RERG: variants seen among roughly 807,000 people sequenced by gnomAD.
The protein encoded by RERG is ras-related and estrogen-regulated growth inhibitor.
A neutral mutation model predicts 23.2 loss-of-function variants in RERG; 25 were observed. The ratio of observed to expected loss-of-function variants is 1.08; its 90% CI spans 0.79 to 1.50. The LOEUF is 1.50. Among genes scored for constraint, RERG ranks in the 40% most tolerant of loss-of-function variants. RERG has a pLI of 0.00. For synonymous variants in RERG, 81 were observed against 89.1 expected, an observed-to-expected ratio of 0.91 and a Z score of 0.51; for missense variants, 253 against 250.1, an observed-to-expected ratio of 1.01 and a Z score of -0.08.
intron 2 of RERG, among the ~76,000 whole-genome samples, chr12:15,211,148 T>A (rs577300909): frequency 1.3e-5 from 2 of 152,262 alleles, no homozygotes; most frequent in Non-Finnish European, 2.9e-5. Context: ...TTAATGTTTT[T>A]AGCAAATTTA....
At chr12:15,146,527 A>C (rs1864335696) in intron 2 of RERG, among the ~76,000 whole-genome samples, 1 of 152,218 alleles carries the variant, frequency 6.6e-6, no homozygotes, top group South Asian at 2.1e-4. Flanking sequence ...TTCACAGATG[A>C]GGAAACTGAG....
chr12:15,111,479 C>T, intron 3 of RERG, 62 bp from the exon 4 acceptor site: 1 of 1,341,448 alleles, frequency 7.5e-7, no homozygotes, highest in South Asian at 1.2e-5. Flanking sequence ...TAATTTGATC[C>T]TTAAAACTGA....
intron 2 of RERG, among the ~76,000 whole-genome samples, chr12:15,202,252 G>A (rs1248189927): frequency 6.6e-6 from 1 of 151,708 alleles, no homozygotes; most frequent in South Asian, 2.1e-4. Context: ...GTTTCCTTGT[G>A]TTCCTTTGCC....
chr12:15,171,068 GTC>G (rs1864771512), intron 2 of RERG, among the ~76,000 whole-genome samples: 4 of 152,138 alleles, frequency 2.6e-5, no homozygotes, highest in African/African-American at 9.7e-5. Context: ...AAATTTTCAG[GTC>G]TCTGTCTGGC....
chr12:15,127,791 A>T (rs1863974324), intron 2 of RERG, among the ~76,000 whole-genome samples: 1 of 152,226 alleles, frequency 6.6e-6, no homozygotes, highest in Non-Finnish European at 1.5e-5. Flanking sequence ...TTTTAGCTGT[A>T]TCTTAAATAA....
intron 4 of RERG, among the ~76,000 whole-genome samples, chr12:15,110,613 G>A (rs1863595674): frequency 6.6e-6 from 1 of 151,464 alleles, no homozygotes; most frequent in African/African-American, 2.4e-5. Flanking sequence ...CCAGCAGCTG[G>A]GACTACAGGC....
chr12:15,133,146 G>GATATGTATATATATATATATATATATAT (rs1864081795), intron 2 of RERG, among the ~76,000 whole-genome samples: 1 of 125,214 alleles, frequency 8.0e-6, no homozygotes, highest in African/African-American at 3.2e-5. Flanking sequence ...ATCCTGTGGA[G>GATATGTATATATATATATATATATATAT]ATATATATAT....
chr12:15,220,728 G>A (rs1374507414), intron 1 of RERG, among the ~76,000 whole-genome samples: 1 of 152,096 alleles, frequency 6.6e-6, no homozygotes, highest in African/African-American at 2.4e-5. Context: ...CCCTAGTCTA[G>A]GCCTGGAAAT....
In RERG at chr12:15,169,920, A is replaced by ATGTGTGTGTG. The variant is rs61079713; in HGVS notation, c.61+47499_61+47508dup. On this transcript the variant is annotated intron_variant, in intron 2 of 4. Transcript: ENST00000256953. ...GAAGGACACACGTCATCTGCTAAAA[A>ATGTGTGTGTG]TGTGTGTGTGTGTGTGTGTGTGTGT... Among the ~76,000 whole-genome samples, 429 of 137,688 alleles carry ATGTGTGTGTG rather than the reference A, an allele frequency of 3.1e-3. 1 individual carries two copies. Among genetic ancestry groups the ATGTGTGTGTG allele is most frequent in the Admixed American group, 4.5e-3 (61 of 13,550 alleles). The allele number at this position is 137,688 out of a possible 152,430, so 90.3% of individuals were successfully genotyped here.
intron 1 of RERG, chr12:15,217,808 T>C (rs1865463070): frequency 7.7e-6 from 2 of 260,906 alleles, no homozygotes; most frequent in South Asian, 5.7e-5. Flanking sequence ...TTGGATCTGG[T>C]TGGTACTAAA....
chr12:15,194,706 T>G (rs1167355964), intron 2 of RERG, among the ~76,000 whole-genome samples: 1 of 152,132 alleles, frequency 6.6e-6, no homozygotes, highest in Non-Finnish European at 1.5e-5. Context: ...TTTGCTTTAT[T>G]GGTTAACAAC....
chr12:15,134,676 G>A (rs921204255), intron 2 of RERG, among the ~76,000 whole-genome samples: 5 of 151,934 alleles, frequency 3.3e-5, no homozygotes, highest in Non-Finnish European at 5.9e-5. Flanking sequence ...GTGCAGTGGT[G>A]TGATCTTGAC....
At chr12:15,166,919 T>C (rs775907853) in intron 2 of RERG, among the ~76,000 whole-genome samples, 2 of 152,126 alleles carry the variant, frequency 1.3e-5, no homozygotes, top group African/African-American at 2.4e-5. Context: ...GTTACATATG[T>C]ATACATGTGC....
At chr12:15,141,313 G>A (rs1160388186) in intron 2 of RERG, among the ~76,000 whole-genome samples, 6 of 151,826 alleles carry the variant, frequency 4.0e-5, no homozygotes, top group South Asian at 2.1e-4. Context: ...CTGCCACCAC[G>A]CCCAGCTAAT....
intron 2 of RERG, among the ~76,000 whole-genome samples, chr12:15,201,444 A>G (rs1865213730): frequency 6.6e-6 from 1 of 151,692 alleles, no homozygotes; most frequent in Middle Eastern, 3.2e-3. Flanking sequence ...GTGAATACAT[A>G]AAGTAGTTCT....
chr12:15,186,376 G>T (rs1864990772), intron 2 of RERG, among the ~76,000 whole-genome samples: 1 of 151,904 alleles, frequency 6.6e-6, no homozygotes, highest in Non-Finnish European at 1.5e-5. Flanking sequence ...ATTAACCTTT[G>T]CAGGAAAAAT....
intron 2 of RERG, among the ~76,000 whole-genome samples, chr12:15,170,666 G>C (rs761746704): frequency 6.6e-6 from 1 of 152,086 alleles, no homozygotes; most frequent in African/African-American, 2.4e-5. Flanking sequence ...AGCCGAGCTC[G>C]AGGAAGCCTG....
At chr12:15,195,081 T>C (rs2136137035) in intron 2 of RERG, among the ~76,000 whole-genome samples, 1 of 152,278 alleles carries the variant, frequency 6.6e-6, no homozygotes, top group Non-Finnish European at 1.5e-5. Context: ...GTCAAATTAA[T>C]GCTTGCAAAG....
chr12:15,220,469 T>C (rs543982802), intron 1 of RERG, among the ~76,000 whole-genome samples: 8 of 152,342 alleles, frequency 5.3e-5, no homozygotes, highest in African/African-American at 1.9e-4. Flanking sequence ...ATAAAAGTAG[T>C]TCCCTTCGAA....
Sources: gnomAD v4.1 joint callset for allele counts (sites outside exome capture counted in the v4.1 genomes callset) on GRCh38, gnomAD v4.1.1 for gene constraint, MANE v1.5 for transcripts, NCBI Gene and HGNC (gene_info 2026-07-23, HGNC 2026-07-21) for gene names.